The following ICE1 variants were observed in gnomAD, a reference collection of about 807,000 sequenced individuals.
The protein encoded by ICE1 is interactor of little elongation complex ELL subunit 1.
A neutral mutation model predicts 192.7 loss-of-function variants in ICE1; 64 were observed. The observed-to-expected ratio is 0.33, with a 90% CI of 0.27 to 0.41. The LOEUF is 0.41. Ranked by LOEUF, ICE1 falls within the 10% of genes least tolerant of loss-of-function variation. The pLI is 1.00. For synonymous variants in ICE1, 1,010 were observed against 984.5 expected (o/e 1.03, Z -0.49); for missense variants, 2,708 against 2,696.0 (o/e 1.00, Z -0.10).
intron 17 of ICE1, among the ~76,000 whole-genome samples, chr5:5,480,855 G>A (rs937367422): frequency 1.3e-4 from 20 of 152,180 alleles, no homozygotes; most frequent in African/African-American, 4.6e-4. Flanking sequence ...AGAACCAAAT[G>A]ATTGCCAAAG....
Position 5,463,116 on chromosome 5 carries a change from A to G in ICE1, c.3782A>G (p.Glu1261Gly), listed in dbSNP as rs1373015783. The G allele has an allele frequency of 6.2e-7, 1 of 1,613,240 alleles. No homozygotes were observed. The highest frequency in any genetic ancestry group is 2.2e-5 in the East Asian group (1 of 44,878). The change falls in exon 13 of 19, where the codon GAG becomes GGG. Residue 1261 changes from glutamate (E) to glycine (G), a missense_variant. This residue lies in a region of ICE1 where 2,366 missense variants were observed against 2,276.6 expected (regional missense o/e 1.04). Coordinates refer to ENST00000296564, the MANE Select transcript of ICE1 (RefSeq NM_015325.3). ...LTQCSLETLS[E>G]VLTKIRQELQ... ...CAGTGTTCTTTGGAAACTCTGTCTG[A>G]GGTTCTGACCAAGATTAGGCAAGAA... is the stretch of plus-strand genomic sequence containing the variant.
intron 1 of ICE1, among the ~76,000 whole-genome samples, chr5:5,434,329 G>C (rs1434306431): frequency 1.3e-5 from 2 of 152,124 alleles, no homozygotes; most frequent in Non-Finnish European, 2.9e-5. Context: ...TCAGGAAGGA[G>C]GGCAAATGAA....
At chr5:5,447,053 A>G (rs1402441809) in intron 7 of ICE1, among the ~76,000 whole-genome samples, 3 of 152,170 alleles carry the variant, frequency 2.0e-5, no homozygotes, top group Admixed American at 2.0e-4. Context: ...TAAAGAGGCT[A>G]TATTCTGAGA....
At chr5:5,425,402 G>A (rs1159325072) in intron 1 of ICE1, among the ~76,000 whole-genome samples, 1 of 152,218 alleles carries the variant, frequency 6.6e-6, no homozygotes, top group Non-Finnish European at 1.5e-5. Flanking sequence ...TGTGAAAGCA[G>A]CTGTAGACAA....
At chr5:5,424,040 A>G (rs1272856707) in intron 1 of ICE1, among the ~76,000 whole-genome samples, 6 of 152,118 alleles carry the variant, frequency 3.9e-5, no homozygotes, top group Non-Finnish European at 8.8e-5. Context: ...GTCAGAAGAG[A>G]TGTGGGAAGA....
intron 5 of ICE1, among the ~76,000 whole-genome samples, chr5:5,442,284 C>T (rs757205785): frequency 5.9e-5 from 9 of 152,334 alleles, no homozygotes; most frequent in African/African-American, 1.9e-4. Flanking sequence ...GCGCTTCTCA[C>T]GGTAGTGTTT....
intron 18 of ICE1, among the ~76,000 whole-genome samples, chr5:5,487,284 A>G (rs1267220103): frequency 1.3e-5 from 2 of 152,326 alleles, no homozygotes; most frequent in East Asian, 3.9e-4. Context: ...AAGGCTTCGT[A>G]GTGGGGATTT....
intron 1 of ICE1, 93 bp downstream of exon 1, chr5:5,423,092 C>T: frequency 2.9e-6 from 2 of 696,014 alleles, no homozygotes; most frequent in Admixed American, 4.4e-5. Flanking sequence ...GCGGGCTGTG[C>T]CTCAGTGCGC....
intron 18 of ICE1, among the ~76,000 whole-genome samples, 179 bp from the exon 19 acceptor site, chr5:5,488,968 TTC>T (rs1739713525): frequency 6.6e-6 from 1 of 152,204 alleles, no homozygotes; most frequent in South Asian, 2.1e-4. Context: ...CTGGCTTTTC[TTC>T]TTTTTTATTT....
At chr5:5,474,007 G>A (rs997579297) in intron 16 of ICE1, among the ~76,000 whole-genome samples, 15 of 151,916 alleles carry the variant, frequency 9.9e-5, no homozygotes, top group African/African-American at 2.9e-4. Flanking sequence ...TCAGGAGATC[G>A]AGACCACCCT....
At position 5,457,755 on chromosome 5, in the gene ICE1, T is replaced by G; in HGVS notation, c.1101+14T>G. 6.2e-7 allele frequency: 1 copy of G among 1,601,744 alleles called. No individual in the cohort carries two copies. The highest frequency in any genetic ancestry group is 8.5e-7 in the Non-Finnish European group (1 of 1,171,792). On this transcript the variant is annotated intron_variant, in intron 12 of 18. Transcript: ENST00000296564. ...TCATTTGCACCTGTGAGTTTTGCTC[T>G]CTGAATTTGAATTACCAAGTGGGTA...
In ICE1 at chr5:5,462,834, T is replaced by C. The variant is rs371756721; in HGVS notation, c.3500T>C (p.Leu1167Pro). ...QDFNISTFSE[L>P]DRLSTSEVVM... The stretch of plus-strand genomic sequence containing the variant: ...TTTAACATAAGTACTTTTTCTGAGC[T>C]GGATAGACTTTCCACATCAGAGGTT... Residue 1167 changes from leucine (L) to proline (P), a missense_variant, in exon 13 of 19, where the codon CTG (leucine) becomes CCG (proline). By Grantham distance (98) the Leu-to-Pro change is moderately conservative. This residue lies in a region of ICE1 where 2,366 missense variants were observed against 2,276.6 expected (regional missense o/e 1.04). Transcript: ENST00000296564. 3.2e-5 allele frequency: 51 copies of C among 1,610,280 alleles called. No individual in the cohort carries two copies. The Admixed American group carries it at 6.2e-4, about 20-fold the overall frequency.
intron 12 of ICE1, 105 bp from the exon 13 acceptor site, chr5:5,460,331 A>G: frequency 1.2e-6 from 1 of 813,096 alleles, no homozygotes; most frequent in Non-Finnish European, 1.9e-6. Context: ...CGTGATTGTA[A>G]AGATTCTTCA....
intron 11 of ICE1, 132 bp from the exon 12 acceptor site, chr5:5,457,200 T>G: frequency 1.2e-6 from 1 of 864,314 alleles, no homozygotes; most frequent in Non-Finnish European, 1.7e-6. Context: ...TTGGTTGCCT[T>G]TTAAAAAATT....
At chr5:5,442,750 A>G (rs1468208063) in intron 5 of ICE1, among the ~76,000 whole-genome samples, 2 of 152,240 alleles carry the variant, frequency 1.3e-5, no homozygotes, top group Non-Finnish European at 2.9e-5. Flanking sequence ...TAGGGTGTAT[A>G]TATCAGTGTT....
chr5:5,448,450 C>T, intron 10 of ICE1, among the ~76,000 whole-genome samples: 1 of 152,320 alleles, frequency 6.6e-6, no homozygotes, highest in East Asian at 1.9e-4. Context: ...AGAAGCATAA[C>T]TCTAGAAGGT....
chr5:5,479,415 A>G (rs560203953), intron 17 of ICE1, among the ~76,000 whole-genome samples: 1 of 152,318 alleles, frequency 6.6e-6, no homozygotes, highest in Non-Finnish European at 1.5e-5. Flanking sequence ...ACTAGTTAGG[A>G]TGGTGATCAT....
chr5:5,464,216 G>A lies in ICE1; in HGVS notation c.4882G>A (p.Val1628Met), dbSNP rs200157416. The change falls in exon 13 of 19, where the codon GTG becomes ATG. Residue 1628 changes from valine to methionine, a missense_variant. By Grantham distance (21) the Val-to-Met change is conservative. Around this residue, in one of 2 missense-constraint regions of ICE1, gnomAD observed 2,366 missense variants for 2,276.6 expected, o/e 1.04. Transcript: ENST00000296564. The surrounding 1 kb of genome is among the most constrained non-coding windows in gnomAD (Gnocchi z 4.0). ...CACACTGAGTAAAATACGGCAAGAG[G>A]TGGGGCCTCCTTTGCCGCCTCTGCT... ...PDTLSKIRQE[V>M]GPPLPPLLAP... The A allele has an allele frequency of 3.7e-4, 592 of 1,613,396 alleles. No homozygotes were observed. Among genetic ancestry groups the A allele is most frequent in the Non-Finnish European group, 4.7e-4 (550 of 1,179,814 alleles).
Position 5,461,452 on chromosome 5 carries a change from G to C in ICE1, c.2118G>C (p.Leu706Phe), listed in dbSNP as rs746208522. 26 of 1,613,920 alleles carry C rather than the reference G, an allele frequency of 1.6e-5. 2 individuals are homozygous for C. The highest frequency in any genetic ancestry group is 2.1e-5 in the Non-Finnish European group (25 of 1,179,908). The change falls in exon 13 of 19, where the codon TTG (leucine) becomes TTC (phenylalanine). Residue 706 changes from leucine to phenylalanine, a missense_variant. Leu to Phe is a conservative substitution (Grantham distance 22). Around this residue, in one of 2 missense-constraint regions of ICE1, gnomAD observed 2,366 missense variants for 2,276.6 expected, o/e 1.04. Transcript: ENST00000296564. Reference protein sequence around the residue: ...GNNLENSLCALSPELGASNFN... With the variant: ...GNNLENSLCAFSPELGASNFN... ...ACTTGGAGAATAGCTTGTGTGCCTTGAGCCCTGAATTGGGAGCATCTAATT... is the reference window on the plus strand; with the variant it reads ...ACTTGGAGAATAGCTTGTGTGCCTTCAGCCCTGAATTGGGAGCATCTAATT...
Sources: allele counts gnomAD v4.1 joint callset (sites outside exome capture counted in the v4.1 genomes callset), GRCh38; gene constraint gnomAD v4.1.1; regional missense constraint gnomAD v4.1.1; non-coding constraint Gnocchi (gnomAD v3.1); transcripts MANE v1.5; gene names NCBI Gene and HGNC (gene_info 2026-07-23, HGNC 2026-07-21).